Variants in SPATS2L observed in about 807,000 individuals in gnomAD.
SPATS2L encodes the protein SPATS2-like protein.
In SPATS2L, 30 loss-of-function variants were observed where a neutral mutation model predicts 59.6. The observed-to-expected ratio is 0.50, with a 90% CI of 0.38 to 0.68. The LOEUF (loss-of-function observed/expected upper bound fraction) is 0.68. SPATS2L is among the 30% of genes least tolerant of loss of function. The pLI is 0.00. For synonymous variants in SPATS2L, 252 were observed against 263.5 expected, an observed-to-expected ratio of 0.96 and a Z score of 0.42; for missense variants, 615 against 700.0, an observed-to-expected ratio of 0.88 and a Z score of 1.37.
intron 2 of SPATS2L, among the ~76,000 whole-genome samples, chr2:200,386,443 C>T (rs1179430400): frequency 6.6e-6 from 1 of 152,120 alleles, no homozygotes; most frequent in Non-Finnish European, 1.5e-5. Context: ...AAAAGAATTG[C>T]CAAGGAGATG....
At chr2:200,360,426 G>A (rs1254792917) in intron 2 of SPATS2L, among the ~76,000 whole-genome samples, 1 of 152,238 alleles carries the variant, frequency 6.6e-6, no homozygotes, top group African/African-American at 2.4e-5. Context: ...TACAGGCAGA[G>A]TGGGACATTA....
At chr2:200,402,726 T>C (rs2082566961) in intron 3 of SPATS2L, among the ~76,000 whole-genome samples, 1 of 152,248 alleles carries the variant, frequency 6.6e-6, no homozygotes, top group African/African-American at 2.4e-5. Flanking sequence ...TGTGACTGAC[T>C]GAAGAAATGA....
Position 200,479,894 on chromosome 2 carries a change from G to A in SPATS2L, c.*1863G>A, listed in dbSNP as rs568824064. 2.5e-6 allele frequency: 1 copy of A among 397,278 alleles called. No individual in the cohort carries two copies. Among genetic ancestry groups the A allele is most frequent in the East Asian group, 3.6e-5 (1 of 28,064 alleles). 24.6% of individuals were successfully genotyped at this position (397,278 alleles called of 1,614,324 possible). ...TCTGGGTGTACCCAGAGATTTAATAGAAATTCTTAACGTTAAGTCACATTC... is the reference window on the plus strand; with the variant it reads ...TCTGGGTGTACCCAGAGATTTAATAAAAATTCTTAACGTTAAGTCACATTC... On this transcript the variant is annotated 3_prime_UTR_variant, in exon 13 of 13. Transcript: ENST00000409140.
chr2:200,327,916 C>CAGAA (rs2079811042), intron 1 of SPATS2L, among the ~76,000 whole-genome samples: 1 of 152,126 alleles, frequency 6.6e-6, no homozygotes, highest in African/African-American at 2.4e-5. Flanking sequence ...TCAAAATAGC[C>CAGAA]ATTGGTATAC....
intron 2 of SPATS2L, among the ~76,000 whole-genome samples, chr2:200,340,373 A>G (rs759575224): frequency 6.6e-6 from 1 of 151,512 alleles, no homozygotes; most frequent in Non-Finnish European, 1.5e-5. Flanking sequence ...CCCCAACAAC[A>G]CATTCTCTTC....
At chr2:200,369,168 T>A (rs1185284301) in intron 2 of SPATS2L, among the ~76,000 whole-genome samples, 1 of 152,100 alleles carries the variant, frequency 6.6e-6, no homozygotes, top group Non-Finnish European at 1.5e-5. Context: ...ATTTATTTAT[T>A]TATTTTTTGA....
In SPATS2L at chr2:200,473,038, C is replaced by G. The variant is rs1211416454; in HGVS notation, c.1267C>G (p.Pro423Ala). The G allele has an allele frequency of 6.8e-6, 11 of 1,612,666 alleles. No individual in the cohort carries two copies. The highest frequency in any genetic ancestry group is 9.3e-6 in the Non-Finnish European group (11 of 1,179,354). ...CGCCGACCCCTCTCACCAGACCATG[C>G]CGGCCAACAAGCAGGTAAGCCGACA... ...STADPSHQTMPANKQNGSSNQ... is the reference protein window; with the variant it reads ...STADPSHQTMAANKQNGSSNQ... The change falls in exon 12 of 13, where the codon CCG becomes GCG. Residue 423 changes from proline (P) to alanine (A), a missense_variant. By Grantham distance (27) the Pro-to-Ala change is conservative. Transcript: ENST00000409140.
chr2:200,479,694 G>A lies in SPATS2L; in HGVS notation c.*1663G>A, dbSNP rs1260670290. 2 of 398,540 alleles carry A rather than the reference G, an allele frequency of 5.0e-6. No homozygotes were observed. The highest frequency in any genetic ancestry group is 8.8e-6 in the Non-Finnish European group (2 of 226,102). The allele number at this position is 398,540 out of a possible 1,614,324, so 24.7% of individuals were successfully genotyped here. A position where few individuals can be genotyped will look rare whatever the true frequency, so the allele number is the denominator to read the frequency against. On this transcript the variant is annotated 3_prime_UTR_variant, in exon 13 of 13. Coordinates refer to ENST00000409140, the MANE Select transcript of SPATS2L (RefSeq NM_001100423.2). ...ACATATCTGTTGACTACTCACAAGT[G>A]CAAATGCTTATTCTCAACTCAACAT...
rs2087726251 is a variant in SPATS2L, at chr2:200,479,386, G to A, written c.*1355G>A. On this transcript the variant is annotated 3_prime_UTR_variant, in exon 13 of 13. Coordinates refer to ENST00000409140, the MANE Select transcript of SPATS2L (RefSeq NM_001100423.2). ...TGTCTTTCTCAGAAATCCCAGCAAAGGTCTTGCATACCATTGCTGGTAGGC... is the reference window on the plus strand; with the variant it reads ...TGTCTTTCTCAGAAATCCCAGCAAAAGTCTTGCATACCATTGCTGGTAGGC... 5.0e-6 allele frequency: 2 copies of A among 396,540 alleles called. No individual in the cohort carries two copies. Among genetic ancestry groups the A allele is most frequent in the Middle Eastern group, 6.4e-4 (1 of 1,574 alleles). The allele number at this position is 396,540 out of a possible 1,614,324, so 24.6% of individuals were successfully genotyped here.
At chr2:200,413,819 C>G (rs1413857076) in intron 4 of SPATS2L, among the ~76,000 whole-genome samples, 1 of 152,180 alleles carries the variant, frequency 6.6e-6, no homozygotes, top group African/African-American at 2.4e-5. Context: ...TTCAGTAGAC[C>G]TATAAGCAAA....
intron 2 of SPATS2L, among the ~76,000 whole-genome samples, chr2:200,338,557 A>G (rs976633384): frequency 6.6e-6 from 1 of 152,232 alleles, no homozygotes; most frequent in Non-Finnish European, 1.5e-5. Flanking sequence ...CTGAAAGCCC[A>G]GTGGTATAGA....
At chr2:200,318,993 C>G (rs2079470865) in intron 1 of SPATS2L, among the ~76,000 whole-genome samples, 1 of 152,314 alleles carries the variant, frequency 6.6e-6, no homozygotes, top group Admixed American at 6.5e-5. Flanking sequence ...CCATCAAGCA[C>G]AGGTGGACAC....
chr2:200,476,973 T>G (rs1214672741), intron 12 of SPATS2L, among the ~76,000 whole-genome samples: 1 of 152,186 alleles, frequency 6.6e-6, no homozygotes, highest in Admixed American at 6.5e-5. Context: ...AGTACTGCCA[T>G]CAAGCAGTCC....
chr2:200,357,170 T>C (rs796663064), intron 2 of SPATS2L, among the ~76,000 whole-genome samples: 2 of 152,366 alleles, frequency 1.3e-5, no homozygotes, highest in African/African-American at 4.8e-5. Context: ...TTCACAGATG[T>C]TGAATTCTGT....
At chr2:200,437,664 T>G (rs2084392927) in intron 6 of SPATS2L, among the ~76,000 whole-genome samples, 1 of 152,204 alleles carries the variant, frequency 6.6e-6, no homozygotes, top group South Asian at 2.1e-4. Flanking sequence ...TGCTGAACAT[T>G]TTGTGTACTG....
chr2:200,468,670 GTC>G (rs1334630442), intron 10 of SPATS2L, among the ~76,000 whole-genome samples: 1 of 152,158 alleles, frequency 6.6e-6, no homozygotes, highest in African/African-American at 2.4e-5. Flanking sequence ...CTCCACACTA[GTC>G]TCTCTGCCTA....
rs542011627 is a variant in SPATS2L at position 200,475,415 on chromosome 2, T to A, written c.1282-2221T>A. 3.3e-5 allele frequency among the ~76,000 whole-genome samples: 5 copies of A among 152,290 alleles called. No homozygotes were observed. The South Asian group carries it at 1.0e-3, about 32-fold the overall frequency. On this transcript the variant is annotated intron_variant, in intron 12 of 12. Transcript: ENST00000409140. ...CCATTTGTGTAAGGTGAATATCAGT[T>A]CAGTCCAGAAAGGTGGGACTACTGG...
intron 3 of SPATS2L, among the ~76,000 whole-genome samples, chr2:200,397,114 G>A (rs376339447): frequency 6.4e-4 from 97 of 152,276 alleles, no homozygotes; most frequent in African/African-American, 2.3e-3. Context: ...TACATGATCG[G>A]AATTCACAGT....
intron 2 of SPATS2L, among the ~76,000 whole-genome samples, chr2:200,362,341 T>G (rs1254674975): frequency 2.6e-5 from 4 of 152,218 alleles, no homozygotes; most frequent in Non-Finnish European, 5.9e-5. Flanking sequence ...AAGACAACAC[T>G]GGCTTAGAAA....
Sources: allele counts gnomAD v4.1 joint callset (sites outside exome capture counted in the v4.1 genomes callset), GRCh38; gene constraint gnomAD v4.1.1; transcripts MANE v1.5; gene names NCBI Gene and HGNC (gene_info 2026-07-23, HGNC 2026-07-21).